LEPROT: variants seen among roughly 807,000 people sequenced by gnomAD.
LEPROT encodes leptin receptor gene-related protein.
Under a neutral mutation model 15.4 loss-of-function variants are expected in LEPROT, and 3 were observed. The ratio of observed to expected loss-of-function variants is 0.19; its 90% confidence interval spans 0.09 to 0.50. The LOEUF (loss-of-function observed/expected upper bound fraction) is 0.50. LEPROT is among the 20% of genes least tolerant of loss of function. The pLI, the probability that LEPROT is intolerant of heterozygous loss-of-function variation, is 0.97. For missense variants in LEPROT, 137 were observed against 162.2 expected (o/e 0.84, Z 0.84); for synonymous variants, 59 against 57.5 (o/e 1.03, Z -0.12).
At chr1:65,428,488 C>T (rs1005224968) in intron 2 of LEPROT, among the ~76,000 whole-genome samples, 1 of 152,186 alleles carries the variant, frequency 6.6e-6, no homozygotes, top group Non-Finnish European at 1.5e-5. Flanking sequence ...TTGAAACATA[C>T]TATCATCCCT....
chr1:65,435,655 C>T lies in LEPROT; in HGVS notation c.*3736C>T. 2 of 984,982 alleles carry T rather than the reference C, an allele frequency of 2.0e-6. No homozygotes were observed. Among genetic ancestry groups the T allele is most frequent in the Non-Finnish European group, 1.2e-6 (1 of 829,530 alleles). 61.0% of individuals were successfully genotyped at this position (984,982 alleles called of 1,614,324 possible). ...GTGCTGGGATTACAGGCCTGAGCCA[C>T]TGTGCCCAGCCAAAATGTGCCTTTG... On this transcript the variant is annotated 3_prime_UTR_variant, in exon 4 of 4. Transcript: ENST00000371065.
chr1:65,435,290 GTTCA>G lies in LEPROT; in HGVS notation c.*3374_*3377del, dbSNP rs1646543085. 1 of 984,268 alleles carries G rather than the reference GTTCA, an allele frequency of 1.0e-6. No homozygotes were observed. Among genetic ancestry groups the G allele is most frequent in the African/African-American group, 1.8e-5 (1 of 56,950 alleles). The allele number at this position is 984,268 out of a possible 1,614,324, so 61.0% of individuals were successfully genotyped here. A position where few individuals can be genotyped will look rare whatever the true frequency, so the allele number is the denominator to read the frequency against. On this transcript the variant is annotated 3_prime_UTR_variant, in exon 4 of 4. Transcript: ENST00000371065. ...GAATACTGTTTTCAAGGCTGAAATA[GTTCA>G]TTATGTTAATAACCTTCTTTATGTT...
At chr1:65,422,154 A>G (rs907405289) in intron 1 of LEPROT, among the ~76,000 whole-genome samples, 1 of 152,232 alleles carries the variant, frequency 6.6e-6, no homozygotes, top group Non-Finnish European at 1.5e-5. Context: ...TGGAAGTAGT[A>G]TCTTTGCAGA....
At chr1:65,428,707 A>G (rs762573123) in intron 2 of LEPROT, among the ~76,000 whole-genome samples, 27 of 152,150 alleles carry the variant, frequency 1.8e-4, no homozygotes, top group Non-Finnish European at 4.0e-4. Context: ...ATTGTAGTGT[A>G]TATATAAAAA....
chr1:65,433,188 C>G lies in LEPROT; in HGVS notation c.*1269C>G. 1 of 985,450 alleles carries G rather than the reference C, an allele frequency of 1.0e-6. No homozygotes were observed. The highest frequency in any genetic ancestry group is 1.7e-5 in the African/African-American group (1 of 57,338). 61.0% of individuals were successfully genotyped at this position (985,450 alleles called of 1,614,324 possible). ...TCTGCCCCCCACCCCTACTCCTCAA[C>G]AGTTCTGGTTTGCCCTGACTTCTCT... On this transcript the variant is annotated 3_prime_UTR_variant, in exon 4 of 4. Transcript: ENST00000371065.
At chr1:65,429,354 G>A (rs1646442178) in intron 2 of LEPROT, among the ~76,000 whole-genome samples, 1 of 152,160 alleles carries the variant, frequency 6.6e-6, no homozygotes, top group Non-Finnish European at 1.5e-5. Flanking sequence ...TGTGGCTACA[G>A]ATTAAGCAAA....
intron 1 of LEPROT, among the ~76,000 whole-genome samples, chr1:65,421,096 C>G (rs1337391907): frequency 1.3e-5 from 2 of 152,222 alleles, no homozygotes; most frequent in African/African-American, 2.4e-5. Flanking sequence ...TTCTGGTTTT[C>G]TGCCCCTCCG....
At chr1:65,421,183 A>G (rs997077261) in intron 1 of LEPROT, 2 of 794,780 alleles carry the variant, frequency 2.5e-6, no homozygotes, top group Non-Finnish European at 3.8e-6. Context: ...CTTTTTCCTA[A>G]TGATTTTTCC....
rs1646525980 is a variant in LEPROT, at chr1:65,434,130, T to A, written c.*2211T>A. 1 of 984,008 alleles carries A rather than the reference T, an allele frequency of 1.0e-6. No homozygotes were observed. Among genetic ancestry groups the A allele is most frequent in the South Asian group, 4.7e-5 (1 of 21,260 alleles). 61.0% of individuals were successfully genotyped at this position (984,008 alleles called of 1,614,324 possible). A position where few individuals can be genotyped will look rare whatever the true frequency, so the allele number is the denominator to read the frequency against. ...GTATCTTTAGATTGATATAAAGTACTTGCATATAGAGTATTTGAAGTGATA... is the reference window on the plus strand; with the variant it reads ...GTATCTTTAGATTGATATAAAGTACATGCATATAGAGTATTTGAAGTGATA... On this transcript the variant is annotated 3_prime_UTR_variant, in exon 4 of 4. Transcript: ENST00000371065.
rs199913333 is a variant in LEPROT, at chr1:65,421,798, C to T, written c.16+1058C>T. Among the ~76,000 whole-genome samples the T allele has an allele frequency of 7.2e-5, 11 of 152,084 alleles. No homozygotes were observed. In the East Asian group the frequency reaches 1.4e-3, roughly 19 times the overall value. ...TGAAAAGTAGTGTCTCAGTACTACA[C>T]ATGATCAGAAACTACCAAATCATGA... On this transcript the variant is annotated intron_variant, in intron 1 of 3. Coordinates refer to ENST00000371065, the MANE Select transcript of LEPROT (RefSeq NM_017526.5).
intron 2 of LEPROT, among the ~76,000 whole-genome samples, chr1:65,429,550 GC>G (rs1261304362): frequency 1.3e-5 from 2 of 152,142 alleles, no homozygotes; most frequent in Non-Finnish European, 2.9e-5. Flanking sequence ...TATAGGGAAG[GC>G]AGAAATGACC....
intron 2 of LEPROT, chr1:65,427,850 A>AGGCT (rs1646410514): frequency 3.1e-6 from 1 of 327,866 alleles, no homozygotes; most frequent in South Asian, 2.4e-5. Context: ...TGTGTTGCTC[A>AGGCT]GGCTGGTCTT....
Position 65,420,740 on chromosome 1 carries a change from G to A in LEPROT, c.16G>A (p.Ala6Thr). 6.3e-7 allele frequency: 1 copy of A among 1,581,600 alleles called. No individual in the cohort carries two copies. Among genetic ancestry groups the A allele is most frequent in the Non-Finnish European group, 8.6e-7 (1 of 1,165,998 alleles). Residue 6 changes from alanine (A) to threonine (T), a missense_variant and splice_region_variant, in exon 1 of 4, where the codon GCT becomes ACT. Coordinates refer to ENST00000371065, the MANE Select transcript of LEPROT (RefSeq NM_017526.5). Reference sequence around the variant, plus strand: ...TTCGGGAGACATGGCGGGCGTTAAAGGTACATCGCGGTCCCCGGCTCGCTT... The same window carrying A: ...TTCGGGAGACATGGCGGGCGTTAAAAGTACATCGCGGTCCCCGGCTCGCTT... MAGVK[A>T]LVALSFSGAI...
chr1:65,421,654 A>G (rs993614489), intron 1 of LEPROT, among the ~76,000 whole-genome samples: 1 of 152,244 alleles, frequency 6.6e-6, no homozygotes, highest in Non-Finnish European at 1.5e-5. Context: ...TGTTAGCAGC[A>G]GACATTTTAT....
Position 65,432,862 on chromosome 1 carries a change from A to G in LEPROT, c.*943A>G. 1.4e-6 allele frequency: 1 copy of G among 732,526 alleles called. No individual in the cohort carries two copies. Among genetic ancestry groups the G allele is most frequent in the Non-Finnish European group, 1.7e-6 (1 of 599,124 alleles). 45.4% of individuals were successfully genotyped at this position (732,526 alleles called of 1,614,324 possible). A position where few individuals can be genotyped will look rare whatever the true frequency, so the allele number is the denominator to read the frequency against. On this transcript the variant is annotated 3_prime_UTR_variant, in exon 4 of 4. Coordinates refer to ENST00000371065, the MANE Select transcript of LEPROT (RefSeq NM_017526.5). ...TTGAGATCATATGTTAATTAGTGTA[A>G]TCATTCCACCTTATATTCAAAAATC...
intron 1 of LEPROT, among the ~76,000 whole-genome samples, chr1:65,424,811 A>G (rs755995880): frequency 2.0e-5 from 3 of 152,036 alleles, no homozygotes; most frequent in Non-Finnish European, 4.4e-5. Flanking sequence ...CTCTTCTTAT[A>G]AGGGCACTCA....
At chr1:65,428,231 A>G (rs1646417902) in intron 2 of LEPROT, among the ~76,000 whole-genome samples, 1 of 152,230 alleles carries the variant, frequency 6.6e-6, no homozygotes, top group African/African-American at 2.4e-5. Flanking sequence ...GGTTTCTTGT[A>G]CATTAATATT....
intron 1 of LEPROT, among the ~76,000 whole-genome samples, chr1:65,422,673 G>A (rs759072578): frequency 2.0e-5 from 3 of 152,212 alleles, no homozygotes; most frequent in Non-Finnish European, 4.4e-5. Flanking sequence ...CCCAAGTGGG[G>A]AGGACAGCAC....
chr1:65,423,656 C>T (rs985808588), intron 1 of LEPROT, among the ~76,000 whole-genome samples: 2 of 151,950 alleles, frequency 1.3e-5, no homozygotes, highest in Non-Finnish European at 2.9e-5. Context: ...GTTTCTTTGT[C>T]CCTTAACATG....
Sources: gnomAD v4.1 joint callset for allele counts (sites outside exome capture counted in the v4.1 genomes callset) on GRCh38, gnomAD v4.1.1 for gene constraint, MANE v1.5 for transcripts, NCBI Gene and HGNC (gene_info 2026-07-23, HGNC 2026-07-21) for gene names.